Variants in RAD51B observed in about 807,000 individuals in gnomAD.
The protein encoded by RAD51B is DNA repair protein RAD51 homolog 2.
Under a neutral mutation model 42.2 loss-of-function variants are expected in RAD51B, and 38 were observed. The observed-to-expected ratio is 0.90, with a 90% CI of 0.70 to 1.18. RAD51B has a LOEUF of 1.18. Among genes scored for constraint, RAD51B ranks in the 50% most tolerant of loss-of-function variants. RAD51B has a pLI of 0.00. For synonymous variants in RAD51B, 154 were observed against 145.2 expected (o/e 1.06, Z -0.43); for missense variants, 373 against 400.7 (o/e 0.93, Z 0.59).
intron 7 of RAD51B, among the ~76,000 whole-genome samples, chr14:68,024,194 G>T (rs1450873204): frequency 6.6e-6 from 1 of 152,008 alleles, no homozygotes; most frequent in Middle Eastern, 3.2e-3. Context: ...CTGCTGTATT[G>T]ATCTATGTGT....
intron 7 of RAD51B, among the ~76,000 whole-genome samples, chr14:68,212,039 G>C (rs555780338): frequency 6.6e-6 from 1 of 152,318 alleles, no homozygotes; most frequent in Admixed American, 6.5e-5. Context: ...CAACACATTG[G>C]CATTCTCGTT....
At chr14:68,096,723 A>G (rs1341434995) in intron 7 of RAD51B, among the ~76,000 whole-genome samples, 1 of 152,130 alleles carries the variant, frequency 6.6e-6, no homozygotes, top group East Asian at 1.9e-4. Flanking sequence ...ATTTGATTGT[A>G]TTTTCCTCTT....
chr14:68,156,292 G>A (rs1343177414), intron 7 of RAD51B, among the ~76,000 whole-genome samples: 1 of 152,196 alleles, frequency 6.6e-6, no homozygotes, highest in Non-Finnish European at 1.5e-5. Context: ...TCTCCACAGG[G>A]AAAGGCTTTG....
chr14:68,000,531 G>A (rs2075462608), intron 7 of RAD51B, among the ~76,000 whole-genome samples: 1 of 151,916 alleles, frequency 6.6e-6, no homozygotes, highest in Non-Finnish European at 1.5e-5. Flanking sequence ...ATTTCATTGA[G>A]GTTAAAATAT....
intron 10 of RAD51B, among the ~76,000 whole-genome samples, chr14:68,605,825 C>T (rs575815309): frequency 4.6e-5 from 7 of 152,322 alleles, no homozygotes; most frequent in Middle Eastern, 3.4e-3. Flanking sequence ...GCTCTCCACC[C>T]GCCCCTAACC....
intron 4 of RAD51B, among the ~76,000 whole-genome samples, chr14:67,835,931 A>G (rs1474823885): frequency 2.6e-5 from 4 of 152,192 alleles, no homozygotes; most frequent in Non-Finnish European, 5.9e-5. Flanking sequence ...ATCACTCCTT[A>G]TAAATTAGGA....
At chr14:68,063,382 T>G (rs925035963) in intron 7 of RAD51B, among the ~76,000 whole-genome samples, 3 of 152,184 alleles carry the variant, frequency 2.0e-5, no homozygotes, top group African/African-American at 7.2e-5. Flanking sequence ...TGGTTTAGTT[T>G]CATCACTTTG....
intron 7 of RAD51B, among the ~76,000 whole-genome samples, chr14:67,983,786 T>C (rs1330481665): frequency 6.6e-6 from 1 of 152,116 alleles, no homozygotes; most frequent in Non-Finnish European, 1.5e-5. Flanking sequence ...GCAGTTTGGA[T>C]TTGAAATAAT....
intron 7 of RAD51B, among the ~76,000 whole-genome samples, chr14:68,151,365 G>C (rs1256124020): frequency 1.3e-5 from 2 of 151,874 alleles, no homozygotes; most frequent in Admixed American, 6.6e-5. Flanking sequence ...TTGAGAAATT[G>C]ATTGTGATGT....
intron 7 of RAD51B, among the ~76,000 whole-genome samples, chr14:68,282,778 A>G (rs1315735698): frequency 6.6e-6 from 1 of 152,168 alleles, no homozygotes; most frequent in African/African-American, 2.4e-5. Context: ...GCACCTCTCC[A>G]GGCAGTGAGT....
chr14:67,954,497 C>G (rs184306278), intron 7 of RAD51B, among the ~76,000 whole-genome samples: 1 of 152,318 alleles, frequency 6.6e-6, no homozygotes, highest in South Asian at 2.1e-4. Context: ...ATGGTCCACT[C>G]TCCAGAGGAG....
At chr14:68,105,711 A>G (rs914947865) in intron 7 of RAD51B, among the ~76,000 whole-genome samples, 12 of 152,050 alleles carry the variant, frequency 7.9e-5, no homozygotes, top group Non-Finnish European at 1.0e-4. Context: ...ATTTGTAATT[A>G]TAAGTAGACT....
At chr14:67,921,389 C>T (rs1264605904) in intron 7 of RAD51B, among the ~76,000 whole-genome samples, 1 of 152,112 alleles carries the variant, frequency 6.6e-6, no homozygotes, top group Non-Finnish European at 1.5e-5. Context: ...ATATTTTTAA[C>T]AAGAGCTCTG....
chr14:68,033,780 A>G (rs1041190185), intron 7 of RAD51B, among the ~76,000 whole-genome samples: 3 of 152,180 alleles, frequency 2.0e-5, no homozygotes, highest in Admixed American at 1.3e-4. Flanking sequence ...CCCAGTCACC[A>G]TTGAGCCAAA....
intron 7 of RAD51B, among the ~76,000 whole-genome samples, chr14:68,003,090 C>G (rs1489577861): frequency 6.6e-6 from 1 of 152,044 alleles, no homozygotes; most frequent in Non-Finnish European, 1.5e-5. Context: ...TTAACGGGAA[C>G]AGCATTGAAT....
intron 11 of RAD51B, among the ~76,000 whole-genome samples, chr14:68,665,562 GAGA>G (rs1428234066): frequency 1.3e-5 from 2 of 152,196 alleles, no homozygotes; most frequent in Non-Finnish European, 2.9e-5. Flanking sequence ...CTGGTGTCAG[GAGA>G]AGAACTCAAG....
chr14:68,642,164 A>G (rs1892475512), intron 10 of RAD51B, among the ~76,000 whole-genome samples: 2 of 152,208 alleles, frequency 1.3e-5, no homozygotes, highest in Non-Finnish European at 2.9e-5. Context: ...TCTGAAAGAG[A>G]TTATAGCAAA....
chr14:67,972,519 GTT>G (rs974919199), intron 7 of RAD51B, among the ~76,000 whole-genome samples: 3 of 152,062 alleles, frequency 2.0e-5, no homozygotes, highest in African/African-American at 7.2e-5. Flanking sequence ...AGAGGCAAGA[GTT>G]TGTCTCAGCA....
chr14:68,235,039 A>G (rs2080218713), intron 7 of RAD51B, among the ~76,000 whole-genome samples: 1 of 152,206 alleles, frequency 6.6e-6, no homozygotes, highest in African/African-American at 2.4e-5. Context: ...TATTTTTAAT[A>G]TGTAGAAAGA....
Sources: allele counts gnomAD v4.1 joint callset (sites outside exome capture counted in the v4.1 genomes callset), GRCh38; gene constraint gnomAD v4.1.1; transcripts MANE v1.5; gene names NCBI Gene and HGNC (gene_info 2026-07-23, HGNC 2026-07-21).